DDHD1: variants seen among roughly 807,000 people sequenced by gnomAD.
DDHD1 encodes DDHD domain containing 1.
Under a neutral mutation model 96.4 loss-of-function variants are expected in DDHD1, and 49 were observed. The observed-to-expected ratio is 0.51, with a 90% CI of 0.40 to 0.64. The LOEUF is 0.64. Ranked by LOEUF, DDHD1 falls within the 30% of genes least tolerant of loss-of-function variation. The probability of loss-of-function intolerance (pLI) is 0.00; values close to 1 mark genes in which losing one functional copy is unlikely to be tolerated. For missense variants in DDHD1, 1,106 were observed against 1,161.2 expected (o/e 0.95, Z 0.69); for synonymous variants, 442 against 446.5 (o/e 0.99, Z 0.13).
rs1029820137 is a variant in DDHD1, at chr14:53,063,315, T to C, written c.1504-110A>G. ...AAAAACATACATTACCGATCAAATA[T>C]ACCTAGGTTATTAAAATTAACTTAG... On this transcript the variant is annotated intron_variant, in intron 6 of 12. Coordinates refer to ENST00000673822, the MANE Select transcript of DDHD1 (RefSeq NM_001160148.2). The C allele has an allele frequency of 1.5e-5, 18 of 1,238,154 alleles. No homozygotes were observed. The African/African-American group carries it at 1.7e-4, about 12-fold the overall frequency. The allele number at this position is 1,238,154 out of a possible 1,614,324, so 76.7% of individuals were successfully genotyped here.
chr14:53,083,913 GT>G (rs33965357), intron 4 of DDHD1, among the ~76,000 whole-genome samples: 1 of 151,260 alleles, frequency 6.6e-6, no homozygotes, highest in African/African-American at 2.4e-5. Flanking sequence ...GGACACTTGG[GT>G]TTTTTTTTGA....
chr14:53,138,444 C>G (rs4901347), intron 1 of DDHD1, among the ~76,000 whole-genome samples: 1 of 152,094 alleles, frequency 6.6e-6, no homozygotes, highest in Non-Finnish European at 1.5e-5. Flanking sequence ...AGAAAAAAAG[C>G]AAAAAGATTG....
chr14:53,142,934 G>A (rs371101249), intron 1 of DDHD1, among the ~76,000 whole-genome samples: 3 of 152,234 alleles, frequency 2.0e-5, no homozygotes, highest in East Asian at 1.9e-4. Flanking sequence ...AATTGAAACA[G>A]GAGAGCCAAG....
In DDHD1 at chr14:53,102,384, C is replaced by G. The variant is rs575416170; in HGVS notation, c.1012+1299G>C. Among the ~76,000 whole-genome samples the G allele has an allele frequency of 7.2e-5, 11 of 151,966 alleles. No individual in the cohort carries two copies. The East Asian group carries it at 1.7e-3, about 24-fold the overall frequency. ...CTCCTTATTTATTGATATGTAAGAA[C>G]CTTTAGTTTAAATTTTACAGTGAAA... On this transcript the variant is annotated intron_variant, in intron 2 of 12. Transcript: ENST00000673822.
At chr14:53,138,235 T>C (rs1223818464) in intron 1 of DDHD1, among the ~76,000 whole-genome samples, 2 of 152,192 alleles carry the variant, frequency 1.3e-5, no homozygotes, top group African/African-American at 4.8e-5. Flanking sequence ...TGAAACCTTA[T>C]CTCTACTAAA....
chr14:53,112,888 G>A (rs1888213081), intron 1 of DDHD1, among the ~76,000 whole-genome samples: 1 of 152,092 alleles, frequency 6.6e-6, no homozygotes, highest in Non-Finnish European at 1.5e-5. Flanking sequence ...CATGAAGAGT[G>A]CCTGAATATA....
intron 1 of DDHD1, among the ~76,000 whole-genome samples, chr14:53,150,764 G>C (rs769674760): frequency 5.9e-5 from 9 of 152,116 alleles, no homozygotes; most frequent in Non-Finnish European, 1.2e-4. Flanking sequence ...GAAAGGGTAA[G>C]GATTTTCCTT....
At chr14:53,119,441 C>G (rs1033951823) in intron 1 of DDHD1, among the ~76,000 whole-genome samples, 1 of 152,190 alleles carries the variant, frequency 6.6e-6, no homozygotes, top group African/African-American at 2.4e-5. Flanking sequence ...AGAATCCTCC[C>G]TAACTCATTT....
intron 2 of DDHD1, among the ~76,000 whole-genome samples, chr14:53,099,665 G>C (rs1887152345): frequency 6.6e-6 from 1 of 152,156 alleles, no homozygotes; most frequent in Non-Finnish European, 1.5e-5. Flanking sequence ...TCCAGCAGTA[G>C]ATTTAAGTAT....
In DDHD1 at chr14:53,046,763, AG is replaced by A; in HGVS notation, c.*4del. 20 of 1,437,060 alleles carry A rather than the reference AG, an allele frequency of 1.4e-5. No homozygotes were observed. Among genetic ancestry groups the A allele is most frequent in the Non-Finnish European group, 1.8e-5 (20 of 1,099,228 alleles). 89.0% of individuals were successfully genotyped at this position (1,437,060 alleles called of 1,614,324 possible). ...TTTTAGGCCATTCATGTCCTTCAAGAGAGTTCAGATTGGATCTAAATTGGGT... is the reference window on the plus strand; with the variant it reads ...TTTTAGGCCATTCATGTCCTTCAAGAAGTTCAGATTGGATCTAAATTGGGT... On this transcript the variant is annotated 3_prime_UTR_variant, in exon 13 of 13. Transcript: ENST00000673822.
At chr14:53,067,862 T>C (rs1011044122) in intron 6 of DDHD1, among the ~76,000 whole-genome samples, 1 of 152,220 alleles carries the variant, frequency 6.6e-6, no homozygotes, top group Non-Finnish European at 1.5e-5. Flanking sequence ...ATTGTTAGCA[T>C]TGTATTCCAT....
At chr14:53,106,648 C>A (rs770328815) in intron 1 of DDHD1, among the ~76,000 whole-genome samples, 10 of 151,160 alleles carry the variant, frequency 6.6e-5, no homozygotes, top group Non-Finnish European at 1.3e-4. Flanking sequence ...CAGAGTGAGA[C>A]CAAAAAAAAA....
In DDHD1 at chr14:53,040,058, C is replaced by A. The variant is rs1249077974; in HGVS notation, c.*6710G>T. 1 of 152,112 alleles carries A rather than the reference C, an allele frequency of 6.6e-6. No individual in the cohort carries two copies. Among genetic ancestry groups the A allele is most frequent in the Non-Finnish European group, 1.5e-5 (1 of 68,054 alleles). 9.4% of individuals were successfully genotyped at this position (152,112 alleles called of 1,614,324 possible). ...TCCTAGACTGTTAAAAAAACAAACACCTAAAACTCGACTTTTAAAGTCACT... is the reference window on the plus strand; with the variant it reads ...TCCTAGACTGTTAAAAAAACAAACAACTAAAACTCGACTTTTAAAGTCACT... On this transcript the variant is annotated 3_prime_UTR_variant, in exon 13 of 13. Coordinates refer to ENST00000673822, the MANE Select transcript of DDHD1 (RefSeq NM_001160148.2).
In DDHD1 at chr14:53,044,619, T is replaced by C. The variant is rs962560744; in HGVS notation, c.*2149A>G. The C allele has an allele frequency of 6.6e-6, 1 of 152,194 alleles. No homozygotes were observed. Among genetic ancestry groups the C allele is most frequent in the Non-Finnish European group, 1.5e-5 (1 of 68,036 alleles). 9.4% of individuals were successfully genotyped at this position (152,194 alleles called of 1,614,324 possible). On this transcript the variant is annotated 3_prime_UTR_variant, in exon 13 of 13. Coordinates refer to ENST00000673822, the MANE Select transcript of DDHD1 (RefSeq NM_001160148.2). ...AGGCTATGAAAATGACCTGAGTTCA[T>C]AGGAATCTCTAAGTTAGAGATAATT... is the stretch of plus-strand genomic sequence containing the variant.
intron 1 of DDHD1, among the ~76,000 whole-genome samples, chr14:53,112,371 C>T (rs532449303): frequency 2.6e-5 from 4 of 151,106 alleles, no homozygotes; most frequent in East Asian, 1.9e-4. Context: ...GAGCTGAGAT[C>T]GTGCCACTGC....
intron 4 of DDHD1, among the ~76,000 whole-genome samples, chr14:53,076,078 C>G (rs1427404622): frequency 6.6e-6 from 1 of 152,086 alleles, no homozygotes; most frequent in Admixed American, 6.6e-5. Context: ...GCCCACGGAT[C>G]AAGGAGTAAT....
intron 1 of DDHD1, among the ~76,000 whole-genome samples, chr14:53,118,645 A>G (rs1021881183): frequency 6.6e-6 from 1 of 152,230 alleles, no homozygotes; most frequent in East Asian, 1.9e-4. Context: ...AAAGCCTCCA[A>G]GAAATATGGG....
At chr14:53,096,506 A>G (rs1384361139) in intron 2 of DDHD1, among the ~76,000 whole-genome samples, 5 of 152,086 alleles carry the variant, frequency 3.3e-5, no homozygotes, top group Non-Finnish European at 7.4e-5. Context: ...AAAAAAGAAC[A>G]TAACATTTTC....
intron 6 of DDHD1, among the ~76,000 whole-genome samples, chr14:53,068,261 T>TTTTTTG (rs1884213963): frequency 2.7e-5 from 4 of 148,808 alleles, no homozygotes; most frequent in Admixed American, 6.8e-5. Context: ...TTTTTTTTTT[T>TTTTTTG]GAGATGGGGT....
Sources: allele counts gnomAD v4.1 joint callset (sites outside exome capture counted in the v4.1 genomes callset), GRCh38; gene constraint gnomAD v4.1.1; transcripts MANE v1.5; gene names NCBI Gene and HGNC (gene_info 2026-07-23, HGNC 2026-07-21).